The following EPHA6 variants were observed in gnomAD, a reference collection of about 807,000 sequenced individuals.
EPHA6 encodes EPH receptor A6, also known as ephrin type-A receptor 6.
A neutral mutation model predicts 112.0 loss-of-function variants in EPHA6; 50 were observed. The ratio of observed to expected loss-of-function variants is 0.45; its 90% CI spans 0.36 to 0.56. EPHA6 has a LOEUF of 0.56. EPHA6 is among the 20% of genes least tolerant of loss of function. The probability of loss-of-function intolerance (pLI) is 0.00; values close to 1 mark genes in which losing one functional copy is unlikely to be tolerated. For synonymous variants in EPHA6, 529 were observed against 490.7 expected, an observed-to-expected ratio of 1.08 and a Z score of -1.03; for missense variants, 1,280 against 1,417.4, an observed-to-expected ratio of 0.90 and a Z score of 1.56.
At chr3:96,965,491 T>G (rs924322434) in intron 2 of EPHA6, among the ~76,000 whole-genome samples, 1 of 152,116 alleles carries the variant, frequency 6.6e-6, no homozygotes, top group African/African-American at 2.4e-5. Context: ...CCTTATAACA[T>G]CTGAGTATTT....
At chr3:96,914,301 G>A (rs2039380834) in intron 2 of EPHA6, among the ~76,000 whole-genome samples, 1 of 151,992 alleles carries the variant, frequency 6.6e-6, no homozygotes, top group African/African-American at 2.4e-5. Context: ...CTTGATTAAT[G>A]ACAAGTGAAT....
intron 3 of EPHA6, among the ~76,000 whole-genome samples, chr3:97,187,334 T>G (rs1397169525): frequency 1.3e-5 from 2 of 151,942 alleles, no homozygotes; most frequent in Non-Finnish European, 2.9e-5. Flanking sequence ...TCCCAGCACA[T>G]TGGGAGGCTG....
chr3:97,183,147 A>C lies in EPHA6; in HGVS notation c.1115-43117A>C, dbSNP rs536101656. ...AATTGTAATTCATAAGGGCTTTCAAATATATATCTCTAATTTTCATGTGCC... is the reference window on the plus strand; with the variant it reads ...AATTGTAATTCATAAGGGCTTTCAACTATATATCTCTAATTTTCATGTGCC... On this transcript the variant is annotated intron_variant, in intron 3 of 17. Coordinates refer to ENST00000389672, the MANE Select transcript of EPHA6 (RefSeq NM_001080448.3). Among the ~76,000 whole-genome samples, 8 of 152,200 alleles carry C rather than the reference A, an allele frequency of 5.3e-5. No homozygotes were observed. In the South Asian group the frequency reaches 1.7e-3, roughly 32 times the overall value.
At chr3:97,676,912 G>A (rs1055215959) in intron 14 of EPHA6, among the ~76,000 whole-genome samples, 11 of 152,094 alleles carry the variant, frequency 7.2e-5, no homozygotes, top group Admixed American at 3.9e-4. Context: ...GATAAGATAC[G>A]GAATCATCTA....
At chr3:96,926,500 A>G (rs2040042699) in intron 2 of EPHA6, among the ~76,000 whole-genome samples, 1 of 152,196 alleles carries the variant, frequency 6.6e-6, no homozygotes, top group South Asian at 2.1e-4. Flanking sequence ...TAAATGTCCA[A>G]TTCCAAAGTC....
At chr3:96,825,839 T>G (rs2033623520) in intron 1 of EPHA6, among the ~76,000 whole-genome samples, 1 of 151,854 alleles carries the variant, frequency 6.6e-6, no homozygotes, top group Non-Finnish European at 1.5e-5. Flanking sequence ...TTAAACATTT[T>G]ATGGTCCTTC....
At chr3:97,417,876 A>G (rs1251025941) in intron 6 of EPHA6, among the ~76,000 whole-genome samples, 1 of 152,178 alleles carries the variant, frequency 6.6e-6, no homozygotes, top group African/African-American at 2.4e-5. Flanking sequence ...AAGCTCTCAA[A>G]ATATAAGACT....
intron 6 of EPHA6, among the ~76,000 whole-genome samples, chr3:97,441,187 A>G (rs958007456): frequency 5.9e-5 from 9 of 152,018 alleles, no homozygotes; most frequent in Non-Finnish European, 1.3e-4. Flanking sequence ...ACTTATAAGT[A>G]TATGCTTAAA....
At chr3:97,599,113 G>C (rs2093621162) in intron 12 of EPHA6, among the ~76,000 whole-genome samples, 1 of 152,082 alleles carries the variant, frequency 6.6e-6, no homozygotes, top group Non-Finnish European at 1.5e-5. Context: ...TGATGGGGTT[G>C]TTTGATTTTT....
In EPHA6 at chr3:97,532,417, G is replaced by A. The variant is rs1189665625; in HGVS notation, c.2260G>A (p.Val754Ile). The A allele has an allele frequency of 1.2e-6, 2 of 1,612,606 alleles. No homozygotes were observed. Among genetic ancestry groups the A allele is most frequent in the South Asian group, 2.2e-5 (2 of 91,030 alleles). ...LKTPGKREIP[V>I]AIKTLKGGHM... ...GACACCAGGGAAAAGAGAGATCCCAGTTGCCATTAAAACTTTGAAAGGTGG... is the reference window on the plus strand; with the variant it reads ...GACACCAGGGAAAAGAGAGATCCCAATTGCCATTAAAACTTTGAAAGGTGG... Residue 754 changes from valine to isoleucine, a missense_variant, in exon 11 of 18, where the codon GTT becomes ATT. Around this residue, in one of 4 missense-constraint regions of EPHA6, gnomAD observed 878 missense variants for 999.7 expected, o/e 0.88. Transcript: ENST00000389672.
intron 1 of EPHA6, among the ~76,000 whole-genome samples, chr3:96,843,834 T>G (rs1472251899): frequency 6.6e-6 from 1 of 152,044 alleles, no homozygotes; most frequent in Admixed American, 6.6e-5. Flanking sequence ...TTAACAATAA[T>G]AAGAAATATT....
intron 2 of EPHA6, among the ~76,000 whole-genome samples, chr3:96,902,134 C>G (rs549068394): frequency 6.6e-6 from 1 of 152,054 alleles, no homozygotes; most frequent in Non-Finnish European, 1.5e-5. Flanking sequence ...AGGACAAGGA[C>G]GATGGAGACT....
intron 11 of EPHA6, among the ~76,000 whole-genome samples, chr3:97,549,825 A>G (rs1292160586): frequency 6.6e-6 from 1 of 151,812 alleles, no homozygotes; most frequent in Admixed American, 6.5e-5. Flanking sequence ...ATAATAAAAT[A>G]AAATAAAATA....
intron 2 of EPHA6, among the ~76,000 whole-genome samples, chr3:96,911,997 A>G (rs1473290820): frequency 1.3e-5 from 2 of 152,136 alleles, no homozygotes; most frequent in Non-Finnish European, 2.9e-5. Flanking sequence ...AATCTGAAAC[A>G]GAAAATATGC....
intron 2 of EPHA6, among the ~76,000 whole-genome samples, chr3:96,911,380 T>A (rs1403744528): frequency 1.3e-5 from 2 of 152,152 alleles, no homozygotes; most frequent in African/African-American, 4.8e-5. Flanking sequence ...AAGAATACGG[T>A]TATGTTTTTA....
chr3:97,169,060 A>G (rs1485563348), intron 3 of EPHA6, among the ~76,000 whole-genome samples: 4 of 152,158 alleles, frequency 2.6e-5, no homozygotes, highest in African/African-American at 9.7e-5. Context: ...ATACTTCGCA[A>G]CACTTGTGTG....
intron 2 of EPHA6, among the ~76,000 whole-genome samples, chr3:96,938,677 G>C (rs908607068): frequency 1.3e-5 from 2 of 151,706 alleles, no homozygotes; most frequent in African/African-American, 4.8e-5. Flanking sequence ...GGGCATCCCT[G>C]TCTTGTGCCA....
intron 12 of EPHA6, among the ~76,000 whole-genome samples, chr3:97,599,916 ATTTG>A (rs2093628987): frequency 6.6e-6 from 1 of 152,118 alleles, no homozygotes; most frequent in African/African-American, 2.4e-5. Context: ...ATGTTCTTCC[ATTTG>A]TTTGTATCCT....
At chr3:97,419,744 C>T (rs541454265) in intron 6 of EPHA6, among the ~76,000 whole-genome samples, 2 of 151,882 alleles carry the variant, frequency 1.3e-5, no homozygotes, top group African/African-American at 4.8e-5. Flanking sequence ...AAAACAAAGA[C>T]AAAATAGAGA....
Sources: allele counts gnomAD v4.1 joint callset (sites outside exome capture counted in the v4.1 genomes callset), GRCh38; gene constraint gnomAD v4.1.1; regional missense constraint gnomAD v4.1.1; transcripts MANE v1.5; gene names NCBI Gene and HGNC (gene_info 2026-07-23, HGNC 2026-07-21).